Variants in PLRG1 observed in about 807,000 individuals in gnomAD.
The protein encoded by PLRG1 is pleiotropic regulator 1.
Under a neutral mutation model 74.9 loss-of-function variants are expected in PLRG1, and 28 were observed. The ratio of observed to expected loss-of-function variants is 0.37; its 90% CI spans 0.28 to 0.51. The LOEUF (loss-of-function observed/expected upper bound fraction) is 0.51, where lower values mean the gene tolerates loss of function less well. PLRG1 is among the 20% of genes least tolerant of loss of function. PLRG1 has a pLI of 0.91. For missense variants in PLRG1, 445 were observed against 631.9 expected (o/e 0.70, Z 3.17); for synonymous variants, 197 against 212.4 (o/e 0.93, Z 0.63).
In PLRG1 at chr4:154,540,637, G is replaced by T. The variant is rs1272983382; in HGVS notation, c.896C>A (p.Thr299Lys). ...SAVYGLDLHP[T>K]IDVLVTCSRD... ...ACTACAGGTTACCAACACATCGATT[G>T]TCGGGTGCAAATCCAAACCATACAC... The change falls in exon 10 of 15, where the codon ACA becomes AAA. Residue 299 changes from threonine to lysine, a missense_variant. Physicochemically the swap from Thr to Lys is moderately conservative, Grantham distance 78. Around this residue, in one of 3 missense-constraint regions of PLRG1, gnomAD observed 221 missense variants for 377.7 expected, o/e 0.59. Transcript: ENST00000499023. The T allele has an allele frequency of 1.2e-6, 2 of 1,613,484 alleles. No individual in the cohort carries two copies. Among genetic ancestry groups the T allele is most frequent in the Non-Finnish European group, 1.7e-6 (2 of 1,179,460 alleles).
At chr4:154,544,633 G>A (rs2111107219) in intron 6 of PLRG1, 87 bp from the exon 7 acceptor site, 2 of 706,950 alleles carry the variant, frequency 2.8e-6, no homozygotes, top group African/African-American at 1.8e-5. Context: ...TGGAAAGAGG[G>A]AACTTACAAA....
At chr4:154,547,935 G>T in intron 2 of PLRG1, 82 bp from the exon 3 acceptor site, 2 of 1,045,798 alleles carry the variant, frequency 1.9e-6, no homozygotes, top group Non-Finnish European at 2.7e-6. Flanking sequence ...CATTCACGTA[G>T]AAAAAGTTTC....
At chr4:154,544,683 G>T (rs1729616643) in intron 6 of PLRG1, 137 bp from the exon 7 acceptor site, 1 of 594,248 alleles carries the variant, frequency 1.7e-6, no homozygotes, top group Admixed American at 3.1e-5. Flanking sequence ...TTTTCTGTAT[G>T]TTAACTTAAA....
rs1377960962 is a variant in PLRG1 at position 154,535,988 on chromosome 4, C to G, written c.*697G>C. On this transcript the variant is annotated 3_prime_UTR_variant, in exon 15 of 15. Coordinates refer to ENST00000499023, the MANE Select transcript of PLRG1 (RefSeq NM_002669.4). ...ATCACTTTATGCCTCATCTCTTTTC[C>G]TTCTTTGTCTTCCTTCACTTCAAGG... 1 of 152,308 alleles carries G rather than the reference C, an allele frequency of 6.6e-6. No individual in the cohort carries two copies. The highest frequency in any genetic ancestry group is 1.5e-5 in the Non-Finnish European group (1 of 68,202). 9.4% of individuals were successfully genotyped at this position (152,308 alleles called of 1,614,324 possible).
At chr4:154,547,491 A>G (rs1729679422) in intron 3 of PLRG1, 2 of 573,706 alleles carry the variant, frequency 3.5e-6, no homozygotes, top group Non-Finnish European at 6.1e-6. Context: ...CACTCTAAGA[A>G]TCTCTGCCAT....
At chr4:154,538,219 T>C in intron 12 of PLRG1, 111 bp from the exon 13 acceptor site, 2 of 481,478 alleles carry the variant, frequency 4.2e-6, no homozygotes, top group Non-Finnish European at 7.4e-6. Flanking sequence ...CAATGATTTA[T>C]ATATTCAGCA....
chr4:154,545,563 GA>G (rs528049063), intron 6 of PLRG1, among the ~76,000 whole-genome samples: 4 of 151,506 alleles, frequency 2.6e-5, no homozygotes, highest in African/African-American at 9.7e-5. Flanking sequence ...ACAAGTTTCA[GA>G]AAAACTCTCC....
At position 154,535,149 on chromosome 4, in the gene PLRG1, T is replaced by C. The variant is rs1199061443; in HGVS notation, c.*1536A>G. 1 of 152,074 alleles carries C rather than the reference T, an allele frequency of 6.6e-6. No individual in the cohort carries two copies. The allele number at this position is 152,074 out of a possible 1,614,324, so 9.4% of individuals were successfully genotyped here. A position where few individuals can be genotyped will look rare whatever the true frequency, so the allele number is the denominator to read the frequency against. Reference sequence around the variant, plus strand: ...CCACTGTTAGTAATGTGGTGTTACTTATATTTTAGAGCATCAAGTTGTCCA... The same window carrying C: ...CCACTGTTAGTAATGTGGTGTTACTCATATTTTAGAGCATCAAGTTGTCCA... On this transcript the variant is annotated 3_prime_UTR_variant, in exon 15 of 15. Transcript: ENST00000499023.
rs376454916 is a variant in PLRG1, at chr4:154,535,229, T to G, written c.*1456A>C. On this transcript the variant is annotated 3_prime_UTR_variant, in exon 15 of 15. Transcript: ENST00000499023. Reference sequence around the variant, plus strand: ...CCCAAGTTTAGAAATCTTGCCCTAATAATCCAGACATTCCTCACTCTCTTA... The same window carrying G: ...CCCAAGTTTAGAAATCTTGCCCTAAGAATCCAGACATTCCTCACTCTCTTA... The G allele has an allele frequency of 1.4e-4, 21 of 151,908 alleles. No individual in the cohort carries two copies. The highest frequency in any genetic ancestry group is 5.1e-4 in the African/African-American group (21 of 41,344). 9.4% of individuals were successfully genotyped at this position (151,908 alleles called of 1,614,324 possible).
intron 3 of PLRG1, among the ~76,000 whole-genome samples, 161 bp from the exon 4 acceptor site, chr4:154,547,225 T>C (rs1380747685): frequency 2.0e-5 from 3 of 152,194 alleles, no homozygotes; most frequent in African/African-American, 4.8e-5. Flanking sequence ...CACTTTTGCT[T>C]TGATCTCTGT....
intron 2 of PLRG1, 22 bp downstream of exon 2, chr4:154,548,807 G>GAA (rs11451354): frequency 0.026 from 28,222 of 1,074,728 alleles, 6 homozygotes; most frequent in Non-Finnish European, 0.031. Flanking sequence ...TTTAGCAATT[G>GAA]AAAAAAAAAA....
intron 10 of PLRG1, 174 bp from the exon 11 acceptor site, chr4:154,540,227 GA>G: frequency 1.7e-6 from 1 of 587,290 alleles, no homozygotes; most frequent in Non-Finnish European, 3.0e-6. Context: ...ATATAAATAG[GA>G]GACAACTTGC....
chr4:154,541,160 T>G (rs564633299), intron 8 of PLRG1, among the ~76,000 whole-genome samples: 1 of 152,274 alleles, frequency 6.6e-6, no homozygotes, highest in East Asian at 1.9e-4. Flanking sequence ...AGGTTAACCT[T>G]CTTGTTATAT....
In PLRG1 at chr4:154,539,134, T is replaced by G. The variant is rs1729508311; in HGVS notation, c.1122A>C (p.Ser374=). 6.2e-7 allele frequency: 1 copy of G among 1,608,316 alleles called. No individual in the cohort carries two copies. The highest frequency in any genetic ancestry group is 8.5e-7 in the Non-Finnish European group (1 of 1,174,756). ...TRVTLTNHKK[S]VRAVVLHPRH... is the part of the protein sequence containing the mutation. Reference sequence around the variant, plus strand: ...TTGGATGTAAAACCACAGCCCTAACTGATTTTTTGTGATTTGTTAATGTCA... The same window carrying G: ...TTGGATGTAAAACCACAGCCCTAACGGATTTTTTGTGATTTGTTAATGTCA... The change falls in exon 12 of 15, where the codon TCA becomes TCC. Residue 374 remains serine, a synonymous_variant. Transcript: ENST00000499023.
rs949961204 is a variant in PLRG1 at position 154,547,082 on chromosome 4, A to T, written c.260-18T>A. The stretch of plus-strand genomic sequence containing the variant: ...TTCTTGTCCTAAAAAAACACAAAAA[A>T]AATCAACAGTAGTGAATTTACCTTA... On this transcript the variant is annotated intron_variant, in intron 3 of 14. Transcript: ENST00000499023. 6.3e-7 allele frequency: 1 copy of T among 1,590,648 alleles called. No individual in the cohort carries two copies. The highest frequency in any genetic ancestry group is 1.3e-5 in the African/African-American group (1 of 74,446).
intron 2 of PLRG1, among the ~76,000 whole-genome samples, chr4:154,548,215 C>G (rs1729694350): frequency 6.6e-6 from 1 of 152,014 alleles, no homozygotes; most frequent in Non-Finnish European, 1.5e-5. Context: ...CTATAGCAAC[C>G]TTTACTAGAT....
chr4:154,549,671 A>C, intron 1 of PLRG1: 1 of 456,308 alleles, frequency 2.2e-6, no homozygotes, highest in Non-Finnish European at 4.4e-6. Flanking sequence ...TACGTTTTAA[A>C]CAGAACAACT....
At position 154,547,014 on chromosome 4, in the gene PLRG1, G is replaced by T; in HGVS notation, c.310C>A (p.Pro104Thr). Residue 104 changes from proline (P) to threonine (T), a missense_variant, in exon 4 of 15, where the codon CCT becomes ACT. Coordinates refer to ENST00000499023, the MANE Select transcript of PLRG1 (RefSeq NM_002669.4). The part of the protein sequence containing the change: ...VAGTHPYPPG[P>T]GVALTADTKI... ...CAATATATAACAGCTCACTAACCAG[G>T]TCCTGGTGGGTATGGATGTGTACCT... 1 of 1,606,158 alleles carries T rather than the reference G, an allele frequency of 6.2e-7. No homozygotes were observed. Among genetic ancestry groups the T allele is most frequent in the Non-Finnish European group, 8.5e-7 (1 of 1,173,010 alleles).
intron 5 of PLRG1, 45 bp from the exon 6 acceptor site, chr4:154,545,968 G>A (rs1360474898): frequency 7.6e-7 from 1 of 1,313,272 alleles, no homozygotes; most frequent in African/African-American, 1.5e-5. Flanking sequence ...AATGCCTCCA[G>A]TCATGTATTC....
Sources: allele counts gnomAD v4.1 joint callset (sites outside exome capture counted in the v4.1 genomes callset), GRCh38; gene constraint gnomAD v4.1.1; regional missense constraint gnomAD v4.1.1; transcripts MANE v1.5; gene names NCBI Gene and HGNC (gene_info 2026-07-23, HGNC 2026-07-21).